PTPRS: variants seen among roughly 807,000 people sequenced by gnomAD.
The protein encoded by PTPRS is protein tyrosine phosphatase receptor type S.
A neutral mutation model predicts 215.3 loss-of-function variants in PTPRS; 63 were observed. That is an observed-to-expected ratio of 0.29 (90% CI 0.24 to 0.36). PTPRS has a LOEUF of 0.36. PTPRS is among the 10% of genes least tolerant of loss of function. The pLI is 1.00. For missense variants in PTPRS, 2,258 were observed against 2,825.8 expected (o/e 0.80, Z 4.56); for synonymous variants, 1,404 against 1,191.4 (o/e 1.18, Z -3.68).
In PTPRS at chr19:5,206,100, T is replaced by C. The variant is rs978565585; in HGVS notation, c.*674A>G. Among the ~76,000 whole-genome samples the C allele has an allele frequency of 9.0e-5, 12 of 132,916 alleles. No individual in the cohort carries two copies. Among genetic ancestry groups the C allele is most frequent in the African/African-American group, 2.0e-4 (7 of 34,248 alleles). 87.2% of individuals were successfully genotyped at this position (132,916 alleles called of 152,430 possible). On this transcript the variant is annotated 3_prime_UTR_variant, in exon 38 of 38. Transcript: ENST00000262963. ...AAAAAAAAAAGCCAAGGTACAGCCA[T>C]GGGCCTGGCGTGCGCGTTTGCGAAC...
At chr19:5,292,497 C>G (rs889643857) in intron 1 of PTPRS, among the ~76,000 whole-genome samples, 1 of 152,122 alleles carries the variant, frequency 6.6e-6, no homozygotes, top group Non-Finnish European at 1.5e-5. Flanking sequence ...AGCCCAGGGA[C>G]GGGAATGGGT....
At chr19:5,234,076 T>A (rs2043236729) in intron 13 of PTPRS, among the ~76,000 whole-genome samples, 1 of 143,466 alleles carries the variant, frequency 7.0e-6, no homozygotes, top group Non-Finnish European at 1.5e-5. Context: ...CTTCATACAA[T>A]AACAGCAAAT....
At chr19:5,217,345 A>G (rs2041569013) in intron 25 of PTPRS, among the ~76,000 whole-genome samples, 1 of 152,240 alleles carries the variant, frequency 6.6e-6, no homozygotes, top group Non-Finnish European at 1.5e-5. Context: ...TTACATGCAC[A>G]TTTAAAATTC....
chr19:5,315,108 C>A (rs1406256057), intron 1 of PTPRS, among the ~76,000 whole-genome samples: 1 of 152,030 alleles, frequency 6.6e-6, no homozygotes, highest in African/African-American at 2.4e-5. Flanking sequence ...CACTTCCCTC[C>A]CCTCACTGCC....
At chr19:5,271,688 G>A (rs568775187) in intron 4 of PTPRS, among the ~76,000 whole-genome samples, 11 of 148,340 alleles carry the variant, frequency 7.4e-5, no homozygotes, top group African/African-American at 2.2e-4. Flanking sequence ...GTGAGCTACC[G>A]CGCCCAGCCA....
intron 4 of PTPRS, chr19:5,273,167 T>A: frequency 2.0e-6 from 1 of 489,620 alleles, no homozygotes; most frequent in Non-Finnish European, 3.7e-6. Context: ...CCCATCTGAG[T>A]TGGATCAGCC....
chr19:5,249,128 T>A (rs576512644), intron 9 of PTPRS, among the ~76,000 whole-genome samples: 158 of 152,218 alleles, frequency 1.0e-3, no homozygotes, highest in Non-Finnish European at 1.6e-3. Context: ...CTGGCCAACA[T>A]GGCAAAATCC....
At chr19:5,334,412 T>C (rs1188331069) in intron 1 of PTPRS, among the ~76,000 whole-genome samples, 2 of 152,214 alleles carry the variant, frequency 1.3e-5, no homozygotes. Flanking sequence ...CGTTAACTCA[T>C]TTCTTCCTCC....
In PTPRS at chr19:5,326,181, A is replaced by C. The variant is rs190850910; in HGVS notation, c.-95+14483T>G. On this transcript the variant is annotated intron_variant, in intron 1 of 37. Coordinates refer to ENST00000262963, the MANE Select transcript of PTPRS (RefSeq NM_002850.4). Reference sequence around the variant, plus strand: ...GGGAGGTGGGGGTTGCAGTGAGCCGAGATCGGGCCATTGCACTCCAGCCTG... The same window carrying C: ...GGGAGGTGGGGGTTGCAGTGAGCCGCGATCGGGCCATTGCACTCCAGCCTG... Among the ~76,000 whole-genome samples the C allele has an allele frequency of 4.2e-3, 644 of 152,150 alleles. 3 individuals are homozygous for C. Among genetic ancestry groups the C allele is most frequent in the African/African-American group, 0.012 (487 of 41,500 alleles).
chr19:5,222,344 A>T, intron 18 of PTPRS, 124 bp from the exon 19 acceptor site: 1 of 808,104 alleles, frequency 1.2e-6, no homozygotes, highest in Non-Finnish European at 2.0e-6. Flanking sequence ...CGCTGTGCCC[A>T]TGCCCACGGC....
chr19:5,220,323 G>A lies in PTPRS; in HGVS notation c.3486C>T (p.Arg1162=), dbSNP rs2145317045. 6.2e-7 allele frequency: 1 copy of A among 1,613,996 alleles called. No homozygotes were observed. Among genetic ancestry groups the A allele is most frequent in the Non-Finnish European group, 8.5e-7 (1 of 1,179,972 alleles). The change falls in exon 21 of 38, where the codon CGC becomes CGT. Residue 1162 remains arginine, a synonymous_variant. Coordinates refer to ENST00000262963, the MANE Select transcript of PTPRS (RefSeq NM_002850.4). The part of the protein sequence containing the change: ...QSYFIVMVPL[R]KSRGGQFLTP... Reference sequence around the variant, plus strand: ...TCAGGAATTGGCCTCCACGAGACTTGCGCAGTGGCACCATCACAATGAAAT... The same window carrying A: ...TCAGGAATTGGCCTCCACGAGACTTACGCAGTGGCACCATCACAATGAAAT...
At chr19:5,273,327 C>G in intron 4 of PTPRS, 115 bp downstream of exon 4, 1 of 1,476,136 alleles carries the variant, frequency 6.8e-7, no homozygotes, top group Non-Finnish European at 9.4e-7. Context: ...GATCAAGGTC[C>G]TCCCAAAAAA....
intron 2 of PTPRS, among the ~76,000 whole-genome samples, chr19:5,284,826 T>C (rs1326870642): frequency 6.6e-6 from 1 of 151,986 alleles, no homozygotes; most frequent in Admixed American, 6.6e-5. Context: ...CCCACGCCTG[T>C]AGTCCCAGCT....
chr19:5,216,317 T>G (rs2041446388), intron 26 of PTPRS, among the ~76,000 whole-genome samples: 1 of 152,118 alleles, frequency 6.6e-6, no homozygotes, highest in African/African-American at 2.4e-5. Flanking sequence ...TGACCTCTCC[T>G]GGGACCTGTG....
At position 5,219,471 on chromosome 19, in the gene PTPRS, C is replaced by T. The variant is rs984483881; in HGVS notation, c.3766-4G>A. 6.4e-7 allele frequency: 1 copy of T among 1,567,364 alleles called. No homozygotes were observed. Reference sequence around the variant, plus strand: ...AGAAGGGACTGGCTGCAAAGGTCTGCAGGGAAAGGAGGGGGGTCTCCATCA... The same window carrying T: ...AGAAGGGACTGGCTGCAAAGGTCTGTAGGGAAAGGAGGGGGGTCTCCATCA... On this transcript the variant is annotated splice_polypyrimidine_tract_variant and splice_region_variant and intron_variant, in intron 22 of 37. Coordinates refer to ENST00000262963, the MANE Select transcript of PTPRS (RefSeq NM_002850.4).
At chr19:5,218,593 A>G (rs2041696198) in intron 24 of PTPRS, 61 bp from the exon 25 acceptor site, 1 of 1,561,062 alleles carries the variant, frequency 6.4e-7, no homozygotes, top group Non-Finnish European at 8.8e-7. Flanking sequence ...GTGTGAACAC[A>G]ATTCAGGCCC....
At chr19:5,247,946 A>G (rs1270991349) in intron 9 of PTPRS, among the ~76,000 whole-genome samples, 1 of 147,418 alleles carries the variant, frequency 6.8e-6, no homozygotes, top group Non-Finnish European at 1.5e-5. Context: ...GAGGGAGTGG[A>G]GGGTACTGCT....
chr19:5,215,029 T>G (rs10413161), intron 28 of PTPRS, among the ~76,000 whole-genome samples: 82,234 of 152,204 alleles, frequency 0.54, 22,497 homozygotes, highest in Non-Finnish European at 0.59. Context: ...ACCAAAGATG[T>G]CCCTGGACAT....
intron 1 of PTPRS, 176 bp from the exon 2 acceptor site, chr19:5,286,410 TA>T (rs1330583945): frequency 6.2e-6 from 3 of 486,772 alleles, no homozygotes; most frequent in Admixed American, 3.3e-5. Context: ...GCCCTTGCTA[TA>T]GAATTAAGGT....
Sources: allele counts gnomAD v4.1 joint callset (sites outside exome capture counted in the v4.1 genomes callset), GRCh38; gene constraint gnomAD v4.1.1; transcripts MANE v1.5; gene names NCBI Gene and HGNC (gene_info 2026-07-23, HGNC 2026-07-21).